The following NEB variants were observed in gnomAD, a reference collection of about 807,000 sequenced individuals.
NEB encodes nebulin.
A neutral mutation model predicts 952.2 loss-of-function variants in NEB; 512 were observed. The observed-to-expected ratio is 0.54, with a 90% CI of 0.50 to 0.58. NEB has a LOEUF of 0.58. Among genes scored for constraint, NEB ranks in the 20% least tolerant of loss-of-function variants. The pLI is 0.00. For synonymous variants in NEB, 2,900 were observed against 3,149.8 expected (o/e 0.92, Z 2.66); for missense variants, 8,428 against 9,231.1 (o/e 0.91, Z 3.56).
intron 68 of NEB, among the ~76,000 whole-genome samples, chr2:151,628,738 T>C (rs1000681928): frequency 2.6e-5 from 4 of 152,108 alleles, no homozygotes; most frequent in African/African-American, 9.7e-5. Flanking sequence ...GGCTGGTGCC[T>C]GTAATCCCAG....
At chr2:151,516,141 T>A (rs1476295387) in intron 157 of NEB, among the ~76,000 whole-genome samples, 1 of 152,188 alleles carries the variant, frequency 6.6e-6, no homozygotes, top group Non-Finnish European at 1.5e-5. Context: ...GGTGTCTGTG[T>A]GGAGGGAACT....
At chr2:151,671,511 G>T (rs77567545) in intron 37 of NEB, 1 of 343,810 alleles carries the variant, frequency 2.9e-6, no homozygotes, top group Non-Finnish European at 5.3e-6. Context: ...TTTCTATAAT[G>T]GTTGTTTATC....
intron 27 of NEB, among the ~76,000 whole-genome samples, chr2:151,685,185 T>C (rs983604754): frequency 6.6e-6 from 1 of 152,130 alleles, no homozygotes; most frequent in African/African-American, 2.4e-5. Flanking sequence ...AATGAGAAAC[T>C]GTCTGGGTCA....
intron 3 of NEB, among the ~76,000 whole-genome samples, chr2:151,731,488 T>C (rs1578175234): frequency 6.6e-6 from 1 of 152,322 alleles, no homozygotes; most frequent in African/African-American, 2.4e-5. Context: ...AAATCTTCCC[T>C]GGCCATTTTT....
In NEB at chr2:151,569,295, G is replaced by C. The variant is rs778186568; in HGVS notation, c.17508C>G (p.Ala5836=). 2 of 1,613,754 alleles carry C rather than the reference G, an allele frequency of 1.2e-6. No individual in the cohort carries two copies. The highest frequency in any genetic ancestry group is 1.7e-6 in the Non-Finnish European group (2 of 1,179,800). The stretch of plus-strand genomic sequence containing the variant: ...CACTGAAGATGTCCGCGGCATGTTT[G>C]GCATGATTGACGGACACGGAGTCAT... ...MPNDSVSVNH[A]KHAADIFSEK... is the part of the protein sequence containing the mutation. The change falls in exon 110 of 182, where the codon GCC becomes GCG. Residue 5836 remains alanine (A), a synonymous_variant. Coordinates refer to ENST00000397345, the MANE Select transcript of NEB (RefSeq NM_001164508.2).
At chr2:151,563,758 C>T in intron 118 of NEB, 39 bp from the exon 119 acceptor site, 1 of 1,605,020 alleles carries the variant, frequency 6.2e-7, no homozygotes, top group Non-Finnish European at 8.5e-7. Flanking sequence ...GCTGGAGTTT[C>T]CTAACCAGCC....
intron 10 of NEB, 107 bp downstream of exon 10, chr2:151,717,309 A>T: frequency 1.3e-6 from 1 of 777,250 alleles, no homozygotes; most frequent in Admixed American, 2.0e-5. Context: ...AAATACTCCT[A>T]GTGTTTGTGT....
intron 119 of NEB, among the ~76,000 whole-genome samples, chr2:151,563,250 G>A (rs1273387373): frequency 6.6e-6 from 1 of 152,006 alleles, no homozygotes; most frequent in Non-Finnish European, 1.5e-5. Context: ...CCTGACCTCT[G>A]GTGATCTGCC....
chr2:151,493,332 C>G (rs1399767901), intron 176 of NEB, 21 bp downstream of exon 176: 4 of 1,559,946 alleles, frequency 2.6e-6, no homozygotes, highest in Admixed American at 1.7e-5. Flanking sequence ...TGCACTATTT[C>G]TTTTTAGTCC....
intron 27 of NEB, among the ~76,000 whole-genome samples, chr2:151,685,639 CA>C (rs1431050552): frequency 1.3e-5 from 2 of 152,196 alleles, no homozygotes; most frequent in African/African-American, 4.8e-5. Flanking sequence ...TTCCGTACAG[CA>C]TTATAAACCA....
At chr2:151,636,185 C>T (rs181929878) in intron 64 of NEB, 42 bp downstream of exon 64, 1 of 1,501,980 alleles carries the variant, frequency 6.7e-7, no homozygotes, top group Non-Finnish European at 9.2e-7. Context: ...GAAAATGCCA[C>T]ATTAGATTGA....
At position 151,490,032 on chromosome 2, in the gene NEB, G is replaced by A. The variant is rs1337253481; in HGVS notation, c.25343C>T (p.Ser8448Phe). ...KTTELPQQRSSSVATQQTTVS... is the reference protein window; with the variant it reads ...KTTELPQQRSFSVATQQTTVS... Reference sequence around the variant, plus strand: ...CGTTGTCTGTTGGGTAGCAACTGAAGATGATCGTTGTTGTGGGAGCTCTGT... The same window carrying A: ...CGTTGTCTGTTGGGTAGCAACTGAAAATGATCGTTGTTGTGGGAGCTCTGT... The change falls in exon 181 of 182, where the codon TCT becomes TTT. Residue 8448 changes from serine to phenylalanine, a missense_variant. By Grantham distance (155) the Ser-to-Phe change is radical (BLOSUM62 -2). Coordinates refer to ENST00000397345, the MANE Select transcript of NEB (RefSeq NM_001164508.2). 7.4e-6 allele frequency: 12 copies of A among 1,613,588 alleles called. No homozygotes were observed. Among genetic ancestry groups the A allele is most frequent in the African/African-American group, 4.0e-5 (3 of 74,900 alleles).
Position 151,650,568 on chromosome 2 carries a change from A to G in NEB, c.7227+6T>C. 6.4e-7 allele frequency: 1 copy of G among 1,551,578 alleles called. No individual in the cohort carries two copies. The highest frequency in any genetic ancestry group is 8.7e-7 in the Non-Finnish European group (1 of 1,152,966). Reference sequence around the variant, plus strand: ...ATATAAACTATTGGATTTAATAGAAACTGACCTCACTTTGCAGTTCATAAA... The same window carrying G: ...ATATAAACTATTGGATTTAATAGAAGCTGACCTCACTTTGCAGTTCATAAA... On this transcript the variant is annotated splice_donor_region_variant and intron_variant, in intron 53 of 181. Transcript: ENST00000397345.
Position 151,562,122 on chromosome 2 carries a change from G to T in NEB, c.18984C>A (p.Asp6328Glu). 1 of 1,613,394 alleles carries T rather than the reference G, an allele frequency of 6.2e-7. No homozygotes were observed. The highest frequency in any genetic ancestry group is 8.5e-7 in the Non-Finnish European group (1 of 1,179,424). ...GAAGGTGGCTCACCTGACTCTGAAGGTCGTATGATTTCTTGGCATGGAGGA... is the reference window on the plus strand; with the variant it reads ...GAAGGTGGCTCACCTGACTCTGAAGTTCGTATGATTTCTTGGCATGGAGGA... ...PQILHAKKSY[D>E]LQSQLQYTAA... Residue 6328 changes from aspartate (D) to glutamate (E), a missense_variant, in exon 121 of 182, where the codon GAC becomes GAA. Physicochemically the swap from Asp to Glu is conservative, Grantham distance 45. Transcript: ENST00000397345.
rs551261559 is a variant in NEB, at chr2:151,617,364, A to T, written c.11181T>A (p.Asp3727Glu). The change falls in exon 75 of 182, where the codon GAT becomes GAA. Residue 3727 changes from aspartate to glutamate, a missense_variant and splice_region_variant. Physicochemically the swap from Asp to Glu is conservative, Grantham distance 45. Around this residue, in one of 11 missense-constraint regions of NEB, gnomAD observed 1,772 missense variants for 1,960.3 expected, o/e 0.90. Transcript: ENST00000397345. ...ATTACAAGATCAACAGTTTACTTAC[A>T]TCACTGTAGTTTATTCGGTTGAGTT... is the stretch of plus-strand genomic sequence containing the variant. ...LAKLNRINYS[D>E]KLYKLALEES... The T allele has an allele frequency of 4.8e-4, 736 of 1,536,910 alleles. 4 individuals carry two copies. In the South Asian group the frequency reaches 8.1e-3, roughly 17 times the overall value.
chr2:151,609,296 T>C (rs114574356), intron 81 of NEB, among the ~76,000 whole-genome samples: 245 of 152,184 alleles, frequency 1.6e-3, no homozygotes, highest in African/African-American at 5.2e-3. Context: ...GTGCACGAGA[T>C]TGTACTTCCA....
At chr2:151,544,745 T>A (rs1474860565) in intron 135 of NEB, among the ~76,000 whole-genome samples, 1 of 152,206 alleles carries the variant, frequency 6.6e-6, no homozygotes, top group Non-Finnish European at 1.5e-5. Context: ...CATTTGGTAT[T>A]TCAGGGCATC....
chr2:151,562,071 G>T, intron 121 of NEB, 39 bp downstream of exon 121: 2 of 1,481,346 alleles, frequency 1.4e-6, no homozygotes, highest in South Asian at 2.3e-5. Context: ...GGATTCTGAT[G>T]ACCCATGGAG....
rs1399026086 is a variant in NEB at position 151,679,744 on chromosome 2, C to G, written c.3232G>C (p.Ala1078Pro). The change falls in exon 32 of 182, where the codon GCT becomes CCT. Residue 1078 changes from alanine to proline, a missense_variant. Transcript: ENST00000397345. ...ACGTCACTCGCCGCCTGCCTGGCAGCTTTGGCAGCTCTGATGGGAATCGCA... is the reference window on the plus strand; with the variant it reads ...ACGTCACTCGCCGCCTGCCTGGCAGGTTTGGCAGCTCTGATGGGAATCGCA... ...TDAIPIRAAK[A>P]ARQAASDVQY... 1.2e-6 allele frequency: 2 copies of G among 1,613,248 alleles called. No individual in the cohort carries two copies. Among genetic ancestry groups the G allele is most frequent in the Non-Finnish European group, 1.7e-6 (2 of 1,179,728 alleles).
Sources: allele counts gnomAD v4.1 joint callset (sites outside exome capture counted in the v4.1 genomes callset), GRCh38; gene constraint gnomAD v4.1.1; regional missense constraint gnomAD v4.1.1; transcripts MANE v1.5; gene names NCBI Gene and HGNC (gene_info 2026-07-23, HGNC 2026-07-21).